The following PTPN2 variants were observed in gnomAD, a reference collection of about 807,000 sequenced individuals.
PTPN2 encodes protein tyrosine phosphatase non-receptor type 2, also known as tyrosine-protein phosphatase non-receptor type 2.
In PTPN2, 19 loss-of-function variants were observed where a neutral mutation model predicts 57.3. The ratio of observed to expected loss-of-function variants is 0.33; its 90% CI spans 0.23 to 0.49. The LOEUF is 0.49. Ranked by LOEUF, PTPN2 falls within the 20% of genes least tolerant of loss-of-function variation. The probability of loss-of-function intolerance (pLI) is 0.99; values close to 1 mark genes in which losing one functional copy is unlikely to be tolerated. For missense variants in PTPN2, 358 were observed against 501.1 expected, an observed-to-expected ratio of 0.71 and a Z score of 2.73; for synonymous variants, 153 against 164.9, an observed-to-expected ratio of 0.93 and a Z score of 0.55.
intron 5 of PTPN2, chr18:12,819,344 G>A: frequency 1.3e-6 from 1 of 756,278 alleles, no homozygotes; most frequent in African/African-American, 1.8e-5. Context: ...TACGCTTTAA[G>A]ACATTTATTT....
intron 2 of PTPN2, among the ~76,000 whole-genome samples, chr18:12,841,574 A>G (rs1383916914): frequency 6.6e-6 from 1 of 152,244 alleles, no homozygotes; most frequent in Non-Finnish European, 1.5e-5. Flanking sequence ...TAAAGTATAC[A>G]TTGTTTAGGA....
chr18:12,833,587 C>T lies in PTPN2; in HGVS notation c.262-2546G>A, dbSNP rs200368680. On this transcript the variant is annotated intron_variant, in intron 3 of 8. Coordinates refer to ENST00000309660, the MANE Select transcript of PTPN2 (RefSeq NM_002828.4). ...TAGGGTCCACTCCAGGCCCTCCAAG[C>T]ATAAGGCAAAGTGCATGAAAGTTTA... Among the ~76,000 whole-genome samples, 6 of 152,182 alleles carry T rather than the reference C, an allele frequency of 3.9e-5. No homozygotes were observed. The East Asian group carries it at 1.2e-3, about 29-fold the overall frequency.
chr18:12,834,322 A>C (rs1194926968), intron 3 of PTPN2, among the ~76,000 whole-genome samples: 1 of 45,658 alleles, frequency 2.2e-5, no homozygotes, highest in African/African-American at 5.5e-5. Context: ...GTGAGACTCC[A>C]TCTCAAAAAA....
rs1224922282 is a variant in PTPN2 at position 12,838,591 on chromosome 18, G to A, written c.161-1700C>T. On this transcript the variant is annotated intron_variant, in intron 2 of 8. Transcript: ENST00000309660. The stretch of plus-strand genomic sequence containing the variant: ...AGGAGGGCACTACCTGCAGGGCACT[G>A]GGTCTGCAGGGCTCAGCCCCTGGCA... 3.3e-5 allele frequency among the ~76,000 whole-genome samples: 5 copies of A among 152,306 alleles called. No homozygotes were observed. In the East Asian group the frequency reaches 9.7e-4, roughly 29 times the overall value.
At chr18:12,847,381 T>A (rs2043246102) in intron 2 of PTPN2, among the ~76,000 whole-genome samples, 1 of 152,198 alleles carries the variant, frequency 6.6e-6, no homozygotes, top group African/African-American at 2.4e-5. Flanking sequence ...TAGTTCTATA[T>A]TTTGGGCTTA....
intron 2 of PTPN2, among the ~76,000 whole-genome samples, chr18:12,841,291 T>C (rs1466649293): frequency 1.3e-5 from 2 of 152,126 alleles, no homozygotes; most frequent in South Asian, 4.1e-4. Flanking sequence ...CCCAGACACA[T>C]TAAGGGCGGA....
intron 6 of PTPN2, among the ~76,000 whole-genome samples, chr18:12,815,077 C>G (rs1051992980): frequency 4.8e-5 from 7 of 145,020 alleles, no homozygotes; most frequent in African/African-American, 1.8e-4. Context: ...GAGCGAGACT[C>G]CATCTCAAAA....
chr18:12,798,749 T>A (rs1395332520), intron 8 of PTPN2, among the ~76,000 whole-genome samples: 1 of 152,212 alleles, frequency 6.6e-6, no homozygotes, highest in Non-Finnish European at 1.5e-5. Flanking sequence ...GTACAATGAT[T>A]TATATTCTTT....
intron 8 of PTPN2, among the ~76,000 whole-genome samples, chr18:12,796,280 A>G (rs1347464163): frequency 6.6e-6 from 1 of 152,210 alleles, no homozygotes. Flanking sequence ...GGATCAGGAA[A>G]ATGTTCTAAA....
chr18:12,835,693 T>C (rs1008231121), intron 3 of PTPN2, among the ~76,000 whole-genome samples: 1 of 152,156 alleles, frequency 6.6e-6, no homozygotes, highest in African/African-American at 2.4e-5. Flanking sequence ...TATATCTTTA[T>C]GTCTGACTGT....
chr18:12,825,684 G>T, intron 5 of PTPN2, 126 bp downstream of exon 5: 1 of 818,784 alleles, frequency 1.2e-6, no homozygotes, highest in Non-Finnish European at 1.8e-6. Context: ...AAAAACACGT[G>T]ATTATGGCTA....
At chr18:12,807,540 C>G (rs1423306766) in intron 7 of PTPN2, among the ~76,000 whole-genome samples, 7 of 98,984 alleles carry the variant, frequency 7.1e-5, no homozygotes, top group Non-Finnish European at 3.9e-5. Flanking sequence ...AAATGTCCAT[C>G]AATGAATGGA....
chr18:12,791,546 TAA>T (rs1438522096), downstream of PTPN2, among the ~76,000 whole-genome samples: 1 of 152,182 alleles, frequency 6.6e-6, no homozygotes, highest in Non-Finnish European at 1.5e-5. Flanking sequence ...CCTCATTCAA[TAA>T]AAAGTCAGGA....
intron 4 of PTPN2, 139 bp downstream of exon 4, chr18:12,830,804 G>A (rs183567950): frequency 1.2e-4 from 64 of 547,128 alleles, no homozygotes; most frequent in East Asian, 1.0e-3. Context: ...GAGTTTTTCC[G>A]GACAGAAACA....
At chr18:12,836,737 G>T in intron 3 of PTPN2, 54 bp downstream of exon 3, 1 of 1,155,364 alleles carries the variant, frequency 8.7e-7, no homozygotes, top group Non-Finnish European at 1.3e-6. Flanking sequence ...ATTTAAAGCA[G>T]AACAAGCACA....
intron 4 of PTPN2, among the ~76,000 whole-genome samples, chr18:12,830,712 T>TA (rs1276633952): frequency 1.3e-5 from 2 of 152,306 alleles, no homozygotes; most frequent in Admixed American, 1.3e-4. Context: ...TGCTAGTCCA[T>TA]ATTTATTCCA....
At chr18:12,870,267 ATATATG>A (rs1309136361) in intron 1 of PTPN2, among the ~76,000 whole-genome samples, 2 of 96,374 alleles carry the variant, frequency 2.1e-5, no homozygotes, top group Non-Finnish European at 3.6e-5. Context: ...GCATATATAT[ATATATG>A]TATATATATA....
intron 1 of PTPN2, among the ~76,000 whole-genome samples, chr18:12,865,453 A>AG (rs1443819479): frequency 1.3e-4 from 19 of 150,530 alleles, no homozygotes; most frequent in Admixed American, 5.3e-4. Context: ...AAAAAAAAAA[A>AG]AGAGAGAGGC....
At chr18:12,820,710 A>T (rs888169405) in intron 5 of PTPN2, among the ~76,000 whole-genome samples, 1 of 151,822 alleles carries the variant, frequency 6.6e-6, no homozygotes, top group African/African-American at 2.4e-5. Context: ...CCCTACACAC[A>T]CGCGGGTTGC....
Sources: allele counts gnomAD v4.1 joint callset (sites outside exome capture counted in the v4.1 genomes callset), GRCh38; gene constraint gnomAD v4.1.1; transcripts MANE v1.5; gene names NCBI Gene and HGNC (gene_info 2026-07-23, HGNC 2026-07-21).